F5: variants seen among roughly 807,000 people sequenced by gnomAD.
F5 encodes the protein activated protein c cofactor.
Under a neutral mutation model 216.4 loss-of-function variants are expected in F5, and 138 were observed. The ratio of observed to expected loss-of-function variants is 0.64; its 90% CI spans 0.56 to 0.73. The LOEUF (loss-of-function observed/expected upper bound fraction) is 0.73, where lower values mean the gene tolerates loss of function less well. Among genes scored for constraint, F5 ranks in the 30% least tolerant of loss-of-function variants. The probability of loss-of-function intolerance (pLI) is 0.00; values close to 1 mark genes in which losing one functional copy is unlikely to be tolerated. For missense variants in F5, 2,403 were observed against 2,674.0 expected (o/e 0.90, Z 2.24); for synonymous variants, 916 against 930.7 (o/e 0.98, Z 0.29).
intron 21 of F5, 78 bp from the exon 22 acceptor site, chr1:169,520,742 A>G: frequency 8.4e-7 from 1 of 1,186,612 alleles, no homozygotes; most frequent in African/African-American, 1.5e-5. Flanking sequence ...GATCTAATTT[A>G]ATATTGTAAT....
chr1:169,569,223 G>A (rs1364205856), intron 3 of F5, among the ~76,000 whole-genome samples: 3 of 152,022 alleles, frequency 2.0e-5, no homozygotes, highest in African/African-American at 7.2e-5. Flanking sequence ...GCATTGGAAT[G>A]TTTTGGAAAA....
intron 13 of F5, among the ~76,000 whole-genome samples, chr1:169,537,325 G>C (rs906769542): frequency 1.4e-4 from 21 of 152,176 alleles, no homozygotes; most frequent in Non-Finnish European, 2.5e-4. Flanking sequence ...ACTTATGAAA[G>C]TCACTGGATG....
rs1424046677 is a variant in F5, at chr1:169,512,358, A to G, written c.*1955T>C. On this transcript the variant is annotated 3_prime_UTR_variant, in exon 25 of 25. Transcript: ENST00000367797. The stretch of plus-strand genomic sequence containing the variant: ...GATTTTCTTGCCCCTATTATGCCTT[A>G]GTAAATTCTAGATCAAGAGAGATCC... 4.6e-5 allele frequency among the ~76,000 whole-genome samples: 7 copies of G among 152,034 alleles called. No individual in the cohort carries two copies. In the East Asian group the frequency reaches 1.3e-3, roughly 29 times the overall value.
intron 15 of F5, among the ~76,000 whole-genome samples, chr1:169,530,339 T>G (rs2101811250): frequency 6.6e-6 from 1 of 152,330 alleles, no homozygotes; most frequent in Non-Finnish European, 1.5e-5. Context: ...AGGAGTTGTT[T>G]CTCTTTTTAA....
At chr1:169,550,781 T>A in intron 8 of F5, 42 bp from the exon 9 acceptor site, 2 of 1,412,674 alleles carry the variant, frequency 1.4e-6, no homozygotes, top group Non-Finnish European at 2.0e-6. Flanking sequence ...TTAAGGTTGA[T>A]CATGACAAAT....
At position 169,586,345 on chromosome 1, in the gene F5, C is replaced by G. The variant is rs1661104201; in HGVS notation, c.42G>C (p.Leu14Phe). Residue 14 changes from leucine to phenylalanine, a missense_variant, in exon 1 of 25, where the codon TTG becomes TTC. Physicochemically the swap from Leu to Phe is conservative, Grantham distance 22. This residue lies in a region of F5 where 1,425 missense variants were observed against 1,554.8 expected (regional missense o/e 0.92). Coordinates refer to ENST00000367797, the MANE Select transcript of F5 (RefSeq NM_000130.5). Reference protein sequence around the residue: ...GCPRLWVLVVLGTSWVGWGSQ... With the variant: ...GCPRLWVLVVFGTSWVGWGSQ... ...TCCCCCAGCCTACCCAGCTGGTGCC[C>G]AAGACCACCAGGACCCAGAGGCGTG... 1 of 1,613,896 alleles carries G rather than the reference C, an allele frequency of 6.2e-7. No homozygotes were observed. Among genetic ancestry groups the G allele is most frequent in the African/African-American group, 1.3e-5 (1 of 74,914 alleles).
intron 3 of F5, among the ~76,000 whole-genome samples, chr1:169,562,501 C>T (rs1660506068): frequency 2.0e-5 from 3 of 151,886 alleles, no homozygotes. Flanking sequence ...TTTAAAACTG[C>T]CATCTTTATA....
chr1:169,540,133 A>T (rs1004619361), intron 13 of F5, among the ~76,000 whole-genome samples, 161 bp downstream of exon 13: 1 of 152,194 alleles, frequency 6.6e-6, no homozygotes, highest in Non-Finnish European at 1.5e-5. Flanking sequence ...TAAAGAAGCA[A>T]TCTTGGAATT....
At chr1:169,546,629 A>G in intron 10 of F5, 37 bp from the exon 11 acceptor site, 2 of 1,577,500 alleles carry the variant, frequency 1.3e-6, no homozygotes, top group Non-Finnish European at 1.7e-6. Flanking sequence ...GTACAAGAAC[A>G]GACGCATAGA....
At position 169,513,224 on chromosome 1, in the gene F5, G is replaced by A. The variant is rs760001405; in HGVS notation, c.*1089C>T. On this transcript the variant is annotated 3_prime_UTR_variant, in exon 25 of 25. Transcript: ENST00000367797. ...TTACAGGATGATTAAATCAAGCTAA[G>A]TAACAAATCCATAATCTCACATAAA... is the stretch of plus-strand genomic sequence containing the variant. Among the ~76,000 whole-genome samples the A allele has an allele frequency of 6.6e-6, 1 of 152,010 alleles. No homozygotes were observed. Among genetic ancestry groups the A allele is most frequent in the Non-Finnish European group, 1.5e-5 (1 of 67,984 alleles).
chr1:169,555,221 AT>A lies in F5; in HGVS notation c.1078del (p.Ile360PhefsTer7), dbSNP rs779283807. 6.2e-7 allele frequency: 1 copy of A among 1,613,972 alleles called. No homozygotes were observed. The highest frequency in any genetic ancestry group is 1.3e-5 in the African/African-American group (1 of 74,898). On this transcript the variant is annotated frameshift_variant, in exon 7 of 25. Coordinates refer to ENST00000367797, the MANE Select transcript of F5 (RefSeq NM_000130.5). LOFTEE classifies it high-confidence loss of function. ...TGGTATTACAGGTGCATAGTCCCAA[AT>A]GACTTCCTCTGCAGCAATGAAGTAT... ...WEYFIAAEEV[I>X]WDYAPVIPAN...
chr1:169,537,687 G>A (rs564001264), intron 13 of F5, among the ~76,000 whole-genome samples: 13 of 152,052 alleles, frequency 8.5e-5, no homozygotes, highest in South Asian at 2.1e-4. Context: ...TAGACATTTC[G>A]TAAAAGAAGA....
chr1:169,525,119 A>G (rs1281572980), intron 18 of F5, among the ~76,000 whole-genome samples: 1 of 152,194 alleles, frequency 6.6e-6, no homozygotes, highest in Non-Finnish European at 1.5e-5. Context: ...CCTAGAAGAA[A>G]GCAACTGAAA....
At chr1:169,576,435 A>T (rs1660851475) in intron 2 of F5, among the ~76,000 whole-genome samples, 1 of 152,132 alleles carries the variant, frequency 6.6e-6, no homozygotes, top group Non-Finnish European at 1.5e-5. Context: ...CACAAAGTTC[A>T]GTCCTTATTT....
At chr1:169,586,182 G>T in intron 1 of F5, 47 bp downstream of exon 1, 1 of 1,605,514 alleles carries the variant, frequency 6.2e-7, no homozygotes, top group Non-Finnish European at 8.5e-7. Context: ...AAAAGAAATA[G>T]ATTTTCCTCT....
chr1:169,568,984 T>C (rs992241405), intron 3 of F5, among the ~76,000 whole-genome samples: 1 of 152,108 alleles, frequency 6.6e-6, no homozygotes, highest in African/African-American at 2.4e-5. Context: ...AGCTATAATG[T>C]AGGCAATGGG....
chr1:169,581,355 G>T (rs999890982), intron 2 of F5, among the ~76,000 whole-genome samples: 1 of 152,082 alleles, frequency 6.6e-6, no homozygotes. Context: ...TATAGGCGAA[G>T]AAATGTAGAG....
intron 22 of F5, among the ~76,000 whole-genome samples, chr1:169,518,894 G>C (rs751577389): frequency 6.6e-6 from 1 of 152,146 alleles, no homozygotes; most frequent in East Asian, 1.9e-4. Context: ...TCCTCCTTCT[G>C]AGAGTCTTGG....
chr1:169,522,039 G>A (rs139761528), intron 21 of F5, among the ~76,000 whole-genome samples: 314 of 152,112 alleles, frequency 2.1e-3, no homozygotes, highest in African/African-American at 7.1e-3. Context: ...AAAAGGATAA[G>A]GGAATATACA....
Sources: gnomAD v4.1 joint callset for allele counts (sites outside exome capture counted in the v4.1 genomes callset) on GRCh38, gnomAD v4.1.1 for gene constraint, gnomAD v4.1.1 regional missense constraint, MANE v1.5 for transcripts, NCBI Gene and HGNC (gene_info 2026-07-23, HGNC 2026-07-21) for gene names.